Variants in PARD3B observed in about 807,000 individuals in gnomAD.
PARD3B encodes the protein partitioning defective 3 homolog B.
In PARD3B, 103 loss-of-function variants were observed where a neutral mutation model predicts 130.2. That is an observed-to-expected ratio of 0.79 (90% CI 0.67 to 0.93). The LOEUF (loss-of-function observed/expected upper bound fraction) is 0.93. PARD3B is among the 40% of genes least tolerant of loss of function. PARD3B has a pLI of 0.00. For synonymous variants in PARD3B, 583 were observed against 553.2 expected, an observed-to-expected ratio of 1.05 and a Z score of -0.76; for missense variants, 1,609 against 1,499.2, an observed-to-expected ratio of 1.07 and a Z score of -1.21.
At position 205,615,897 on chromosome 2, in the gene PARD3B, G is replaced by C; in HGVS notation, c.*84G>C. 8.5e-7 allele frequency: 1 copy of C among 1,175,512 alleles called. No homozygotes were observed. Among genetic ancestry groups the C allele is most frequent in the Non-Finnish European group, 1.2e-6 (1 of 822,764 alleles). The allele number at this position is 1,175,512 out of a possible 1,614,324, so 72.8% of individuals were successfully genotyped here. ...CTTTCTAAACCTGAAGACCTCCTTG[G>C]TGTTAGGAATTCTCCATGTTACTGA... On this transcript the variant is annotated 3_prime_UTR_variant, in exon 23 of 23. Coordinates refer to ENST00000406610, the MANE Select transcript of PARD3B (RefSeq NM_001302769.2).
chr2:205,102,143 C>T (rs1702829399), intron 4 of PARD3B, among the ~76,000 whole-genome samples: 1 of 152,058 alleles, frequency 6.6e-6, no homozygotes, highest in Non-Finnish European at 1.5e-5. Flanking sequence ...CCTAGAACCG[C>T]CTAGCTAAGC....
At chr2:204,925,597 T>G (rs1687552356) in intron 2 of PARD3B, among the ~76,000 whole-genome samples, 1 of 152,052 alleles carries the variant, frequency 6.6e-6, no homozygotes. Flanking sequence ...GTCAAAACTG[T>G]TTTTCAGAAG....
intron 18 of PARD3B, among the ~76,000 whole-genome samples, chr2:205,332,060 G>A (rs184245259): frequency 3.9e-5 from 6 of 152,176 alleles, no homozygotes; most frequent in Non-Finnish European, 7.4e-5. Flanking sequence ...AGCCGAAATC[G>A]TGCCATTGTA....
At chr2:205,003,930 G>T (rs899032298) in intron 3 of PARD3B, among the ~76,000 whole-genome samples, 1 of 152,144 alleles carries the variant, frequency 6.6e-6, no homozygotes, top group African/African-American at 2.4e-5. Flanking sequence ...TTTGGGAATT[G>T]GTTTGTTGTA....
intron 2 of PARD3B, among the ~76,000 whole-genome samples, chr2:204,699,616 T>C (rs181072902): frequency 1.9e-3 from 293 of 152,208 alleles, no homozygotes; most frequent in Non-Finnish European, 3.5e-3. Context: ...AGATTTAGTG[T>C]GCTGATGATT....
chr2:204,715,375 C>G (rs1322371650), intron 2 of PARD3B, among the ~76,000 whole-genome samples: 2 of 151,848 alleles, frequency 1.3e-5, no homozygotes, highest in Admixed American at 6.6e-5. Flanking sequence ...TGGGTGGATT[C>G]TTTTTCCTGT....
intron 18 of PARD3B, among the ~76,000 whole-genome samples, chr2:205,363,050 C>T (rs1380889425): frequency 6.6e-6 from 1 of 152,102 alleles, no homozygotes; most frequent in African/African-American, 2.4e-5. Context: ...AGCTGTGGGA[C>T]TTCAGGTTCC....
At chr2:205,608,951 A>G (rs953264789) in intron 22 of PARD3B, among the ~76,000 whole-genome samples, 1 of 152,192 alleles carries the variant, frequency 6.6e-6, no homozygotes, top group Non-Finnish European at 1.5e-5. Flanking sequence ...CTGCTGCTGC[A>G]CACTCCACCC....
chr2:204,633,242 G>A (rs2034752419), intron 1 of PARD3B, among the ~76,000 whole-genome samples: 1 of 151,988 alleles, frequency 6.6e-6, no homozygotes, highest in South Asian at 2.1e-4. Flanking sequence ...CAGAGAAGAG[G>A]AAAACATATC....
intron 3 of PARD3B, among the ~76,000 whole-genome samples, chr2:205,025,982 CATTT>C (rs1696997669): frequency 6.6e-6 from 1 of 152,182 alleles, no homozygotes; most frequent in Non-Finnish European, 1.5e-5. Flanking sequence ...ACTTAACAAA[CATTT>C]ATACAGCCCG....
At chr2:204,730,819 A>G (rs976376466) in intron 2 of PARD3B, among the ~76,000 whole-genome samples, 7 of 152,180 alleles carry the variant, frequency 4.6e-5, no homozygotes, top group Non-Finnish European at 7.4e-5. Context: ...GCTGGAGTGT[A>G]CAACATCCCT....
At chr2:204,985,914 A>G (rs1489776077) in intron 3 of PARD3B, among the ~76,000 whole-genome samples, 1 of 152,000 alleles carries the variant, frequency 6.6e-6, no homozygotes, top group African/African-American at 2.4e-5. Flanking sequence ...CAGCCTGGCA[A>G]CATGGTGAAA....
In PARD3B at chr2:205,523,352, C is replaced by A. The variant is rs1342973252; in HGVS notation, c.3180+23321C>A. On this transcript the variant is annotated intron_variant, in intron 21 of 22. Coordinates refer to ENST00000406610, the MANE Select transcript of PARD3B (RefSeq NM_001302769.2). ...CTCCGCCTCCCAGGTTCTAGCAATT[C>A]TTTGCCTCGGCCTCCTGAGTAGCTG... is the stretch of plus-strand genomic sequence containing the variant. 4.0e-5 allele frequency among the ~76,000 whole-genome samples: 6 copies of A among 151,414 alleles called. No homozygotes were observed. The South Asian group carries it at 6.2e-4, about 16-fold the overall frequency.
intron 2 of PARD3B, among the ~76,000 whole-genome samples, chr2:204,731,574 A>C (rs79001838): frequency 0.029 from 4,360 of 152,260 alleles, 196 homozygotes; most frequent in African/African-American, 0.099. Flanking sequence ...TCAAGGTGAG[A>C]GTTGACTTTT....
chr2:205,072,240 C>CTTT (rs34061560), intron 4 of PARD3B, among the ~76,000 whole-genome samples: 1 of 140,532 alleles, frequency 7.1e-6, no homozygotes, highest in Non-Finnish European at 1.6e-5. Context: ...AATTCAGGTC[C>CTTT]TTTTTTTTTT....
In PARD3B at chr2:205,503,283, G is replaced by T. The variant is rs181899953; in HGVS notation, c.3180+3252G>T. On this transcript the variant is annotated intron_variant, in intron 21 of 22. Coordinates refer to ENST00000406610, the MANE Select transcript of PARD3B (RefSeq NM_001302769.2). The stretch of plus-strand genomic sequence containing the variant: ...TATAGAGAGGTATTAGCTTCTATAT[G>T]TACTGAGAGAGAGTAGTTCATTCTG... Among the ~76,000 whole-genome samples the T allele has an allele frequency of 1.6e-3, 238 of 152,270 alleles. 2 individuals carry two copies. The highest frequency in any genetic ancestry group is 0.01 in the Middle Eastern group (3 of 294).
At chr2:205,508,434 T>C (rs2050458111) in intron 21 of PARD3B, among the ~76,000 whole-genome samples, 1 of 152,036 alleles carries the variant, frequency 6.6e-6, no homozygotes, top group Admixed American at 6.6e-5. Context: ...TATGGGGGTG[T>C]GGTGGCATGC....
At chr2:205,443,957 A>G (rs2047815185) in intron 20 of PARD3B, among the ~76,000 whole-genome samples, 1 of 152,100 alleles carries the variant, frequency 6.6e-6, no homozygotes, top group African/African-American at 2.4e-5. Flanking sequence ...TGAGCAATAT[A>G]GCAAGACCCC....
chr2:204,791,663 C>T, intron 2 of PARD3B, among the ~76,000 whole-genome samples: 1 of 152,182 alleles, frequency 6.6e-6, no homozygotes, highest in East Asian at 1.9e-4. Flanking sequence ...TTCCAGTTTT[C>T]TGATTACTTT....
Sources: allele counts gnomAD v4.1 joint callset (sites outside exome capture counted in the v4.1 genomes callset), GRCh38; gene constraint gnomAD v4.1.1; transcripts MANE v1.5; gene names NCBI Gene and HGNC (gene_info 2026-07-23, HGNC 2026-07-21).